CHCHD6: variants seen among roughly 807,000 people sequenced by gnomAD.
The protein encoded by CHCHD6 is MICOS complex subunit MIC25.
A neutral mutation model predicts 32.3 loss-of-function variants in CHCHD6; 28 were observed. The ratio of observed to expected loss-of-function variants is 0.87; its 90% CI spans 0.64 to 1.19. The LOEUF is 1.19. Among genes scored for constraint, CHCHD6 ranks in the 50% most tolerant of loss-of-function variants. The probability of loss-of-function intolerance (pLI) is 0.00; values close to 1 mark genes in which losing one functional copy is unlikely to be tolerated. For missense variants in CHCHD6, 333 were observed against 307.0 expected (o/e 1.08, Z -0.63); for synonymous variants, 122 against 117.5 (o/e 1.04, Z -0.25).
At chr3:126,922,158 A>G (rs1034021932) in intron 6 of CHCHD6, among the ~76,000 whole-genome samples, 4 of 152,298 alleles carry the variant, frequency 2.6e-5, no homozygotes, top group Non-Finnish European at 5.9e-5. Context: ...ATCAAAATTT[A>G]GTTAATTTCT....
chr3:126,767,838 A>C (rs897761942), intron 4 of CHCHD6, among the ~76,000 whole-genome samples: 1 of 152,168 alleles, frequency 6.6e-6, no homozygotes, highest in Non-Finnish European at 1.5e-5. Context: ...GTAAGTGGGA[A>C]CATGCAGCCT....
chr3:126,856,897 G>GTTC (rs1941683998), intron 5 of CHCHD6, among the ~76,000 whole-genome samples: 1 of 152,184 alleles, frequency 6.6e-6, no homozygotes, highest in Non-Finnish European at 1.5e-5. Flanking sequence ...ATGTCATTAT[G>GTTC]TTCTCTAGCC....
At chr3:126,957,884 C>T (rs1048023287) in intron 7 of CHCHD6, 5 of 416,746 alleles carry the variant, frequency 1.2e-5, no homozygotes, top group East Asian at 5.0e-5. Context: ...TCTTAGCCCT[C>T]GGCACTTAGG....
At position 126,704,415 on chromosome 3, in the gene CHCHD6, T is replaced by G; in HGVS notation, c.87+16T>G. ...GGGTGTCCGGGTGAGCGGCGCCGCC[T>G]GGGCCGGGGCGGGCGTGGAGGCCGC... is the stretch of plus-strand genomic sequence containing the variant. On this transcript the variant is annotated intron_variant, in intron 1 of 7. Transcript: ENST00000290913. The G allele has an allele frequency of 6.7e-7, 1 of 1,486,058 alleles. No individual in the cohort carries two copies. 92.1% of individuals were successfully genotyped at this position (1,486,058 alleles called of 1,614,324 possible). A position where few individuals can be genotyped will look rare whatever the true frequency, so the allele number is the denominator to read the frequency against.
At chr3:126,739,664 G>A (rs1230466011) in intron 4 of CHCHD6, among the ~76,000 whole-genome samples, 1 of 152,108 alleles carries the variant, frequency 6.6e-6, no homozygotes, top group Non-Finnish European at 1.5e-5. Flanking sequence ...CAGCCCAGTG[G>A]GCTGTATGGG....
At chr3:126,807,242 C>A (rs147508602) in intron 4 of CHCHD6, among the ~76,000 whole-genome samples, 2,733 of 151,058 alleles carry the variant, frequency 0.018, 30 homozygotes, top group Middle Eastern at 0.052. Flanking sequence ...TCCATAGTCC[C>A]AAACAAACAC....
intron 5 of CHCHD6, among the ~76,000 whole-genome samples, chr3:126,896,421 C>G (rs2077840180): frequency 6.6e-6 from 1 of 152,126 alleles, no homozygotes; most frequent in South Asian, 2.1e-4. Context: ...CTGGTCAGCT[C>G]CTGGCCAGGT....
chr3:126,947,942 G>T (rs1464582208), intron 6 of CHCHD6, among the ~76,000 whole-genome samples: 1 of 152,202 alleles, frequency 6.6e-6, no homozygotes, highest in Non-Finnish European at 1.5e-5. Flanking sequence ...GGAGGACAGA[G>T]ATTGGAGACA....
At position 126,717,868 on chromosome 3, in the gene CHCHD6, C is replaced by T. The variant is rs183385902; in HGVS notation, c.88-9210C>T. ...GTCTGTGGGCCTTCACTACTCTGCA[C>T]GCGTTCCCCCTCCATCACGGAGCTT... is the stretch of plus-strand genomic sequence containing the variant. On this transcript the variant is annotated intron_variant, in intron 1 of 7. Transcript: ENST00000290913. Among the ~76,000 whole-genome samples, 132 of 152,310 alleles carry T rather than the reference C, an allele frequency of 8.7e-4. 1 individual carries two copies. Among genetic ancestry groups the T allele is most frequent in the Admixed American group, 7.3e-3 (112 of 15,308 alleles).
At chr3:126,934,863 T>G (rs1235614206) in intron 6 of CHCHD6, among the ~76,000 whole-genome samples, 2 of 152,160 alleles carry the variant, frequency 1.3e-5, no homozygotes, top group Non-Finnish European at 2.9e-5. Context: ...CACCTCACTT[T>G]TTACCTTTTA....
At chr3:126,723,481 A>G (rs779266535) in intron 1 of CHCHD6, among the ~76,000 whole-genome samples, 6 of 152,172 alleles carry the variant, frequency 3.9e-5, no homozygotes, top group African/African-American at 1.2e-4. Flanking sequence ...GTGTATATGC[A>G]TATATTCAAA....
intron 6 of CHCHD6, among the ~76,000 whole-genome samples, chr3:126,925,442 A>G (rs1287823882): frequency 6.6e-6 from 1 of 152,228 alleles, no homozygotes; most frequent in East Asian, 1.9e-4. Flanking sequence ...CTGATTTGCA[A>G]TGAGGCATTA....
chr3:126,852,758 C>A, intron 5 of CHCHD6, 28 bp downstream of exon 5: 1 of 1,510,620 alleles, frequency 6.6e-7, no homozygotes, highest in Non-Finnish European at 9.2e-7. Context: ...CTGCATTCCT[C>A]GGGGCCAGGT....
chr3:126,820,535 A>T (rs909210254), intron 4 of CHCHD6, among the ~76,000 whole-genome samples: 1 of 152,220 alleles, frequency 6.6e-6, no homozygotes, highest in African/African-American at 2.4e-5. Context: ...AGGTTCACCC[A>T]TGTATTTAGC....
intron 6 of CHCHD6, among the ~76,000 whole-genome samples, chr3:126,945,824 A>G (rs1364393402): frequency 6.6e-6 from 1 of 150,496 alleles, no homozygotes; most frequent in East Asian, 2.0e-4. Flanking sequence ...CTAAAGGGGT[A>G]AACTTGGGGA....
chr3:126,769,925 G>A (rs1023709882), intron 4 of CHCHD6, among the ~76,000 whole-genome samples: 8 of 152,288 alleles, frequency 5.3e-5, no homozygotes, highest in Admixed American at 1.3e-4. Context: ...GCTTTGTGCT[G>A]TATGGCCATT....
chr3:126,858,538 C>T (rs1183958083), intron 5 of CHCHD6, among the ~76,000 whole-genome samples: 1 of 152,216 alleles, frequency 6.6e-6, no homozygotes, highest in African/African-American at 2.4e-5. Flanking sequence ...TGCTCAGGAT[C>T]TGCTTTCCAA....
intron 4 of CHCHD6, among the ~76,000 whole-genome samples, chr3:126,831,740 G>GA (rs1342312543): frequency 6.6e-6 from 1 of 152,218 alleles, no homozygotes; most frequent in Non-Finnish European, 1.5e-5. Context: ...TGCGAAAGGG[G>GA]AGACTCTGCC....
intron 4 of CHCHD6, among the ~76,000 whole-genome samples, chr3:126,850,942 C>T (rs1245129682): frequency 6.6e-6 from 1 of 152,198 alleles, no homozygotes; most frequent in African/African-American, 2.4e-5. Flanking sequence ...GAAGTGTTGG[C>T]ATTCCAGAGG....
Sources: allele counts gnomAD v4.1 joint callset (sites outside exome capture counted in the v4.1 genomes callset), GRCh38; gene constraint gnomAD v4.1.1; transcripts MANE v1.5; gene names NCBI Gene and HGNC (gene_info 2026-07-23, HGNC 2026-07-21).